Variants in PXDNL observed in about 807,000 individuals in gnomAD.
PXDNL encodes the protein peroxidasin like.
In PXDNL, 145 loss-of-function variants were observed where a neutral mutation model predicts 150.8. The ratio of observed to expected loss-of-function variants is 0.96; its 90% CI spans 0.84 to 1.10. The LOEUF is 1.10. Among genes scored for constraint, PXDNL ranks in the 50% least tolerant of loss-of-function variants. The pLI is 0.00. For missense variants in PXDNL, 2,087 were observed against 1,873.9 expected (o/e 1.11, Z -2.10); for synonymous variants, 757 against 725.7 (o/e 1.04, Z -0.69).
intron 17 of PXDNL, among the ~76,000 whole-genome samples, chr8:51,402,143 T>C (rs1390688769): frequency 2.0e-5 from 3 of 152,208 alleles, no homozygotes; most frequent in East Asian, 1.9e-4. Flanking sequence ...TGTTAATTTG[T>C]CTATTTTTAA....
chr8:51,608,050 AAAGAAAGCAAGCAAGCAAGCAAGC>A (rs1813893556), intron 2 of PXDNL, among the ~76,000 whole-genome samples: 17 of 124,576 alleles, frequency 1.4e-4, no homozygotes, highest in Admixed American at 4.5e-4. Context: ...AGAAAGAAAG[AAAGAAAGCAAGCAAGCAAGCAAGC>A]AAGCAAGCAA....
rs750088139 is a variant in PXDNL, at chr8:51,319,939, T to C, written c.4344A>G (p.Pro1448=). The C allele has an allele frequency of 6.4e-7, 1 of 1,574,698 alleles. No individual in the cohort carries two copies. Among genetic ancestry groups the C allele is most frequent in the Non-Finnish European group, 8.6e-7 (1 of 1,161,790 alleles). ...TTGGCATTCCTCGGTCTCTGCAAAC[T>C]GGACAGCAGGTTCCTTTCACCAATT... ...SPELVKGTCC[P]VCRDRGMPSD... is the part of the protein sequence containing the mutation. The change falls in exon 23 of 23, where the codon CCA becomes CCG. Residue 1448 remains proline (P), a synonymous_variant. Transcript: ENST00000356297.
chr8:51,700,727 T>C (rs1563511702), intron 1 of PXDNL, among the ~76,000 whole-genome samples: 1 of 151,038 alleles, frequency 6.6e-6, no homozygotes, highest in East Asian at 1.9e-4. Flanking sequence ...TATATACACA[T>C]AAATACACAT....
intron 7 of PXDNL, among the ~76,000 whole-genome samples, chr8:51,473,048 C>T (rs1810382911): frequency 1.3e-5 from 2 of 151,876 alleles, no homozygotes; most frequent in Admixed American, 1.3e-4. Flanking sequence ...TAGAACATTC[C>T]GTAGATCTTT....
chr8:51,453,771 C>T lies in PXDNL; in HGVS notation c.997G>A (p.Val333Ile), dbSNP rs963777874. 2 of 1,613,718 alleles carry T rather than the reference C, an allele frequency of 1.2e-6. No individual in the cohort carries two copies. Among genetic ancestry groups the T allele is most frequent in the African/African-American group, 2.7e-5 (2 of 74,922 alleles). ...ACCTCTGTGTCCTGAGGCTGGATTA[C>T]AAAGCTTGGTTTGGCTGATGGTAAA... ...YSSLPAKPSF[V>I]IQPQDTEVLI... Residue 333 changes from valine (V) to isoleucine (I), a missense_variant, in exon 10 of 23, where the codon GTA (valine) becomes ATA (isoleucine). Coordinates refer to ENST00000356297, the MANE Select transcript of PXDNL (RefSeq NM_144651.5).
intron 1 of PXDNL, among the ~76,000 whole-genome samples, chr8:51,721,053 G>A (rs1051969934): frequency 6.6e-6 from 1 of 152,216 alleles, no homozygotes; most frequent in African/African-American, 2.4e-5. Flanking sequence ...AGGCTGCAGA[G>A]CCCGTGAACA....
chr8:51,411,611 G>C (rs1171490922), intron 15 of PXDNL, among the ~76,000 whole-genome samples: 1 of 152,078 alleles, frequency 6.6e-6, no homozygotes, highest in African/African-American at 2.4e-5. Flanking sequence ...TCCCAGTGCT[G>C]AACTCAAAAA....
At chr8:51,800,791 C>G (rs141851058) in intron 1 of PXDNL, among the ~76,000 whole-genome samples, 55 of 152,252 alleles carry the variant, frequency 3.6e-4, no homozygotes, top group African/African-American at 1.2e-3. Flanking sequence ...GCCTGTCTTA[C>G]TTTACTCTCT....
chr8:51,428,175 C>T (rs1563408290), intron 12 of PXDNL, among the ~76,000 whole-genome samples: 1 of 152,024 alleles, frequency 6.6e-6, no homozygotes, highest in Non-Finnish European at 1.5e-5. Context: ...ATCTACAGTA[C>T]TTATAAACTA....
At chr8:51,777,564 C>G (rs759057559) in intron 1 of PXDNL, among the ~76,000 whole-genome samples, 1 of 152,180 alleles carries the variant, frequency 6.6e-6, no homozygotes, top group Non-Finnish European at 1.5e-5. Context: ...TTAGTCAGTA[C>G]CAAGTACACA....
chr8:51,589,241 C>T (rs1462333575), intron 3 of PXDNL, among the ~76,000 whole-genome samples: 1 of 152,144 alleles, frequency 6.6e-6, no homozygotes, highest in African/African-American at 2.4e-5. Context: ...AGTGTTCTCT[C>T]ACAGTAGCAG....
intron 3 of PXDNL, among the ~76,000 whole-genome samples, chr8:51,564,919 C>T (rs1167688786): frequency 6.6e-6 from 1 of 151,792 alleles, no homozygotes; most frequent in Non-Finnish European, 1.5e-5. Context: ...GATAAGTAAT[C>T]ATGTAATTTG....
At chr8:51,346,529 G>C (rs1806164020) in intron 19 of PXDNL, among the ~76,000 whole-genome samples, 1 of 152,178 alleles carries the variant, frequency 6.6e-6, no homozygotes, top group African/African-American at 2.4e-5. Flanking sequence ...ACTTTAAAAA[G>C]TGGTCTCTGA....
chr8:51,442,618 TC>T (rs1809576906), intron 12 of PXDNL, among the ~76,000 whole-genome samples: 1 of 151,998 alleles, frequency 6.6e-6, no homozygotes, highest in South Asian at 2.1e-4. Flanking sequence ...ATGGAAATAC[TC>T]ATGATTCTTC....
rs1808552517 is a variant in PXDNL at position 51,409,301 on chromosome 8, G to A, written c.2323C>T (p.Gln775Ter). The change falls in exon 17 of 23, where the codon CAG becomes TAG. Residue 775 changes from glutamine (Q) to a stop codon, truncating the protein, a stop_gained. Transcript: ENST00000356297. LOFTEE classifies it high-confidence loss of function. The part of the protein sequence containing the change: ...RGLGLPVGSR[Q>*]PLPPPRLVAT... The stretch of plus-strand genomic sequence containing the variant: ...ACCAGCCGGGGCGGCGGGAGGGGCT[G>A]GCGGGAGCCCACAGGAAGGCCGAGC... 3 of 1,423,868 alleles carry A rather than the reference G, an allele frequency of 2.1e-6. No individual in the cohort carries two copies. Among genetic ancestry groups the A allele is most frequent in the African/African-American group, 1.5e-5 (1 of 66,530 alleles). The allele number at this position is 1,423,868 out of a possible 1,614,324, so 88.2% of individuals were successfully genotyped here. A position where few individuals can be genotyped will look rare whatever the true frequency, so the allele number is the denominator to read the frequency against.
At chr8:51,326,718 T>C (rs1050615217) in intron 21 of PXDNL, among the ~76,000 whole-genome samples, 1 of 152,150 alleles carries the variant, frequency 6.6e-6, no homozygotes, top group African/African-American at 2.4e-5. Context: ...AAGTAGATAA[T>C]ACTGACAATG....
intron 6 of PXDNL, among the ~76,000 whole-genome samples, chr8:51,476,736 T>C (rs1183996546): frequency 6.6e-6 from 1 of 152,212 alleles, no homozygotes; most frequent in Admixed American, 6.5e-5. Flanking sequence ...AGTCTGTCTA[T>C]GGTGGCAGTT....
chr8:51,624,654 CTGA>C, intron 2 of PXDNL, among the ~76,000 whole-genome samples: 1 of 148,100 alleles, frequency 6.8e-6, no homozygotes, highest in Non-Finnish European at 1.5e-5. Context: ...ACATGTCTTT[CTGA>C]TGATATATAT....
intron 15 of PXDNL, among the ~76,000 whole-genome samples, chr8:51,412,827 C>T (rs1292685759): frequency 2.0e-5 from 3 of 152,212 alleles, no homozygotes; most frequent in Non-Finnish European, 2.9e-5. Context: ...TAATCATTCT[C>T]AATTCACACA....
Sources: gnomAD v4.1 joint callset for allele counts (sites outside exome capture counted in the v4.1 genomes callset) on GRCh38, gnomAD v4.1.1 for gene constraint, MANE v1.5 for transcripts, NCBI Gene and HGNC (gene_info 2026-07-23, HGNC 2026-07-21) for gene names.